CLIP2: variants seen among roughly 807,000 people sequenced by gnomAD.
The protein encoded by CLIP2 is CAP-Gly domain-containing linker protein 2.
Under a neutral mutation model 111.7 loss-of-function variants are expected in CLIP2, and 41 were observed. That is an observed-to-expected ratio of 0.37 (90% CI 0.29 to 0.48). CLIP2 has a LOEUF of 0.48. CLIP2 is among the 20% of genes least tolerant of loss of function. The pLI, the probability that CLIP2 is intolerant of heterozygous loss-of-function variation, is 0.99. For missense variants in CLIP2, 1,160 were observed against 1,422.1 expected (o/e 0.82, Z 2.96); for synonymous variants, 660 against 644.2 (o/e 1.02, Z -0.37).
rs201474296 is a variant in CLIP2 at position 74,339,298 on chromosome 7, C to T, written c.678+294C>T. ...GATATTTATTTATTTACTTATTTTA[C>T]TTATTTATTTATTTATTTATTTTTG... On this transcript the variant is annotated intron_variant, in intron 3 of 16. Transcript: ENST00000223398. Among the ~76,000 whole-genome samples the T allele has an allele frequency of 1.1e-3, 170 of 150,352 alleles. No homozygotes were observed. The Middle Eastern group carries it at 0.021, about 18-fold the overall frequency.
intron 1 of CLIP2, among the ~76,000 whole-genome samples, chr7:74,308,465 A>ATCAT (rs1198867557): frequency 6.6e-6 from 1 of 152,106 alleles, no homozygotes; most frequent in Non-Finnish European, 1.5e-5. Flanking sequence ...TTGGGTAAGT[A>ATCAT]TCATTCATTC....
rs782197995 is a variant in CLIP2 at position 74,338,837 on chromosome 7, T to C, written c.511T>C (p.Leu171=). 7 of 1,610,678 alleles carry C rather than the reference T, an allele frequency of 4.3e-6. No individual in the cohort carries two copies. The highest frequency in any genetic ancestry group is 5.9e-6 in the Non-Finnish European group (7 of 1,179,896). ...GTCGCTGACTGCCCAGAACCTGTCA[T>C]TGCATTCGGGCACGGCCACGCCCCC... ...VESLTAQNLS[L]HSGTATPPLT... The change falls in exon 3 of 17, where the codon TTG becomes CTG. Residue 171 remains leucine, a synonymous_variant. Transcript: ENST00000223398. The surrounding 1 kb of genome is among the most constrained non-coding windows in gnomAD (Gnocchi z 4.3).
At chr7:74,387,968 G>A (rs538725250) in intron 12 of CLIP2, among the ~76,000 whole-genome samples, 1 of 152,274 alleles carries the variant, frequency 6.6e-6, no homozygotes, top group Admixed American at 6.6e-5. Flanking sequence ...AGGGAGGTTT[G>A]CTTGAGGCCA....
chr7:74,301,055 A>G (rs1788321660), intron 1 of CLIP2, among the ~76,000 whole-genome samples: 1 of 152,178 alleles, frequency 6.6e-6, no homozygotes, highest in African/African-American at 2.4e-5. Flanking sequence ...CCAACAGTGT[A>G]TACGCGTTCC....
intron 1 of CLIP2, among the ~76,000 whole-genome samples, chr7:74,309,924 C>G (rs1554728238): frequency 6.6e-6 from 1 of 150,842 alleles, no homozygotes; most frequent in African/African-American, 2.4e-5. Flanking sequence ...TTGGGCCAGG[C>G]ATGGTGGCTC....
At chr7:74,335,739 TTTCTTTCTTTTC>T (rs1461826524) in intron 2 of CLIP2, among the ~76,000 whole-genome samples, 5 of 150,914 alleles carry the variant, frequency 3.3e-5, no homozygotes, top group African/African-American at 1.2e-4. Context: ...CTTTCTTTTC[TTTCTTTCTTTTC>T]TTTTTTTTTT....
intron 6 of CLIP2, among the ~76,000 whole-genome samples, chr7:74,359,750 G>T (rs1562709009): frequency 6.6e-6 from 1 of 152,162 alleles, no homozygotes; most frequent in Non-Finnish European, 1.5e-5. Flanking sequence ...CTCGTGTCTG[G>T]TTTTTTCTCT....
intron 13 of CLIP2, among the ~76,000 whole-genome samples, chr7:74,396,417 A>G (rs1791449475): frequency 6.6e-6 from 1 of 152,038 alleles, no homozygotes; most frequent in Non-Finnish European, 1.5e-5. Flanking sequence ...AATAGATAAA[A>G]TGTCTTGCCT....
chr7:74,309,766 G>A (rs1554728217), intron 1 of CLIP2, among the ~76,000 whole-genome samples: 1 of 151,296 alleles, frequency 6.6e-6, no homozygotes, highest in African/African-American at 2.4e-5. Context: ...GTGGAGACAG[G>A]AGAATCGCTT....
At chr7:74,334,928 C>T (rs888312742) in intron 2 of CLIP2, among the ~76,000 whole-genome samples, 8 of 151,758 alleles carry the variant, frequency 5.3e-5, no homozygotes, top group Non-Finnish European at 8.8e-5. Flanking sequence ...GCGAAGATTG[C>T]AGTGAGCAGA....
At chr7:74,384,554 T>C (rs1227554762) in intron 11 of CLIP2, among the ~76,000 whole-genome samples, 1 of 149,184 alleles carries the variant, frequency 6.7e-6, no homozygotes, top group Non-Finnish European at 1.5e-5. Context: ...CAAGCGATTC[T>C]CCTGCCTCAG....
intron 16 of CLIP2, among the ~76,000 whole-genome samples, chr7:74,403,171 A>G (rs2116720069): frequency 6.8e-6 from 1 of 146,896 alleles, no homozygotes; most frequent in Non-Finnish European, 1.5e-5. Context: ...GTGAGCCAAG[A>G]TCGTGCCACT....
At chr7:74,366,795 G>C (rs1790478531) in intron 8 of CLIP2, among the ~76,000 whole-genome samples, 1 of 143,936 alleles carries the variant, frequency 6.9e-6, no homozygotes, top group Non-Finnish European at 1.5e-5. Flanking sequence ...AGAATCACTT[G>C]AAATTGGGAG....
intron 2 of CLIP2, among the ~76,000 whole-genome samples, chr7:74,335,477 C>T (rs1554731941): frequency 6.6e-6 from 1 of 150,538 alleles, no homozygotes; most frequent in Non-Finnish European, 1.5e-5. Context: ...TTACAGGCTG[C>T]ATAACTGCAC....
intron 3 of CLIP2, among the ~76,000 whole-genome samples, chr7:74,345,147 G>A (rs957909522): frequency 1.3e-5 from 2 of 152,190 alleles, no homozygotes; most frequent in Non-Finnish European, 2.9e-5. Context: ...CTAGGAGATG[G>A]TGGGACAGGA....
chr7:74,356,416 C>T lies in CLIP2; in HGVS notation c.810C>T (p.Phe270=), dbSNP rs1790145087. 1 of 1,614,174 alleles carries T rather than the reference C, an allele frequency of 6.2e-7. No individual in the cohort carries two copies. The highest frequency in any genetic ancestry group is 2.2e-5 in the East Asian group (1 of 44,886). Residue 270 remains phenylalanine (F), a synonymous_variant, in exon 5 of 17, where the codon TTC becomes TTT. Coordinates refer to ENST00000223398, the MANE Select transcript of CLIP2 (RefSeq NM_003388.5). The part of the protein sequence containing the change: ...NDGAVAGTRY[F]QCPPKFGLFA... Reference sequence around the variant, plus strand: ...GTCTCTCCTGCTTCCACAGGTACTTCCAGTGCCCACCCAAGTTTGGTCTCT... The same window carrying T: ...GTCTCTCCTGCTTCCACAGGTACTTTCAGTGCCCACCCAAGTTTGGTCTCT...
At chr7:74,299,877 A>C (rs1250896213) in intron 1 of CLIP2, among the ~76,000 whole-genome samples, 2 of 150,056 alleles carry the variant, frequency 1.3e-5, no homozygotes, top group Non-Finnish European at 3.0e-5. Context: ...TTGTATTTTT[A>C]GTAGAGACAG....
chr7:74,313,093 A>G (rs1254973632), intron 1 of CLIP2, among the ~76,000 whole-genome samples: 6 of 151,458 alleles, frequency 4.0e-5, no homozygotes, highest in African/African-American at 1.2e-4. Context: ...AGGTGGGAGG[A>G]TTGCTTTACC....
intron 12 of CLIP2, chr7:74,388,635 A>C (rs201120371): frequency 6.6e-6 from 1 of 151,590 alleles, no homozygotes; most frequent in Non-Finnish European, 1.5e-5. Context: ...TCTCTACTAA[A>C]TATACAGAAA....
Sources: gnomAD v4.1 joint callset for allele counts (sites outside exome capture counted in the v4.1 genomes callset) on GRCh38, gnomAD v4.1.1 for gene constraint, Gnocchi (gnomAD v3.1) non-coding constraint, MANE v1.5 for transcripts, NCBI Gene and HGNC (gene_info 2026-07-23, HGNC 2026-07-21) for gene names.